ZBTB7C: variants seen among roughly 807,000 people sequenced by gnomAD.
ZBTB7C encodes zinc finger and BTB domain-containing protein 7C.
ZBTB7C carries 8 observed loss-of-function variants against 25.7 expected under a neutral mutation model. The observed-to-expected ratio is 0.31, with a 90% CI of 0.18 to 0.56. The LOEUF is 0.56. Ranked by LOEUF, ZBTB7C falls within the 20% of genes least tolerant of loss-of-function variation. The pLI, the probability that ZBTB7C is intolerant of heterozygous loss-of-function variation, is 0.91. For synonymous variants in ZBTB7C, 394 were observed against 369.0 expected (o/e 1.07, Z -0.78); for missense variants, 824 against 855.2 (o/e 0.96, Z 0.46).
chr18:48,212,038 A>C (rs1254285795), intron 2 of ZBTB7C, among the ~76,000 whole-genome samples: 2 of 152,172 alleles, frequency 1.3e-5, no homozygotes, highest in African/African-American at 4.8e-5. Context: ...TGGATGAAAC[A>C]TAAATGCATA....
intron 3 of ZBTB7C, among the ~76,000 whole-genome samples, chr18:48,090,764 C>T (rs2038382025): frequency 6.6e-6 from 1 of 151,112 alleles, no homozygotes. Flanking sequence ...CCAGACAGAC[C>T]CACCCCTTGC....
intron 3 of ZBTB7C, among the ~76,000 whole-genome samples, chr18:48,078,333 A>G (rs2037852868): frequency 6.6e-6 from 1 of 151,714 alleles, no homozygotes; most frequent in Admixed American, 6.6e-5. Flanking sequence ...CTTTGGTGGC[A>G]GCACAAAGGT....
At chr18:48,231,610 C>T (rs570598516) in intron 2 of ZBTB7C, among the ~76,000 whole-genome samples, 12 of 152,326 alleles carry the variant, frequency 7.9e-5, no homozygotes, top group East Asian at 3.9e-4. Context: ...CACTTGTCCA[C>T]GTACTTCATT....
intron 2 of ZBTB7C, among the ~76,000 whole-genome samples, chr18:48,286,174 T>C (rs895304278): frequency 3.3e-5 from 5 of 152,148 alleles, no homozygotes; most frequent in Non-Finnish European, 7.3e-5. Flanking sequence ...CCTCAAAATA[T>C]CATTTTATCA....
intron 2 of ZBTB7C, among the ~76,000 whole-genome samples, chr18:48,201,874 C>T (rs1314913964): frequency 6.6e-6 from 1 of 152,214 alleles, no homozygotes; most frequent in Non-Finnish European, 1.5e-5. Flanking sequence ...CTGCATAAAT[C>T]CAAGGCATAA....
intron 1 of ZBTB7C, among the ~76,000 whole-genome samples, chr18:48,368,786 C>T (rs2047315524): frequency 3.2e-5 from 1 of 31,098 alleles, no homozygotes; most frequent in Non-Finnish European, 6.1e-5. Flanking sequence ...GGAAGCAGCA[C>T]ATTTTTCAAG....
At chr18:48,071,779 T>C (rs1052828463) in intron 3 of ZBTB7C, among the ~76,000 whole-genome samples, 8 of 152,206 alleles carry the variant, frequency 5.3e-5, no homozygotes, top group Non-Finnish European at 8.8e-5. Flanking sequence ...AAATGTGATA[T>C]ATACACAAAA....
At chr18:48,182,605 C>A (rs2145111974) in intron 3 of ZBTB7C, among the ~76,000 whole-genome samples, 1 of 152,288 alleles carries the variant, frequency 6.6e-6, no homozygotes, top group East Asian at 1.9e-4. Flanking sequence ...GATGACCTAG[C>A]TCCTGTTTCA....
At chr18:48,107,365 G>A (rs926009939) in intron 3 of ZBTB7C, among the ~76,000 whole-genome samples, 1 of 151,626 alleles carries the variant, frequency 6.6e-6, no homozygotes. Flanking sequence ...GGTCCAGAAG[G>A]AGGAGGGGAG....
chr18:48,211,207 C>T (rs2042694392), intron 2 of ZBTB7C, among the ~76,000 whole-genome samples: 1 of 152,010 alleles, frequency 6.6e-6, no homozygotes, highest in African/African-American at 2.4e-5. Context: ...AATCATAGAC[C>T]TAAATGTAAA....
intron 2 of ZBTB7C, among the ~76,000 whole-genome samples, chr18:48,290,832 T>C (rs891721695): frequency 1.1e-4 from 16 of 152,100 alleles, no homozygotes; most frequent in African/African-American, 3.9e-4. Flanking sequence ...AGTCCAAGAG[T>C]GCCCTCCTCC....
intron 1 of ZBTB7C, among the ~76,000 whole-genome samples, chr18:48,360,202 C>T (rs1369607248): frequency 1.3e-5 from 2 of 152,194 alleles, no homozygotes; most frequent in Admixed American, 1.3e-4. Context: ...TGGACCAATT[C>T]AATTCAATTC....
chr18:48,212,888 C>A (rs904283515), intron 2 of ZBTB7C, among the ~76,000 whole-genome samples: 1 of 152,104 alleles, frequency 6.6e-6, no homozygotes, highest in African/African-American at 2.4e-5. Context: ...TCGAAGAATG[C>A]TGAAAACCCT....
chr18:48,367,324 GTATATATATA>G (rs2047262444), intron 1 of ZBTB7C, among the ~76,000 whole-genome samples: 5 of 113,550 alleles, frequency 4.4e-5, no homozygotes, highest in African/African-American at 1.0e-4. Context: ...ATATATGTGT[GTATATATATA>G]CATATATGTG....
At chr18:48,070,770 G>A (rs1421785758) in intron 3 of ZBTB7C, among the ~76,000 whole-genome samples, 3 of 152,134 alleles carry the variant, frequency 2.0e-5, no homozygotes, top group Non-Finnish European at 2.9e-5. Context: ...AGAGTCTATA[G>A]ATCCAGAGGC....
intron 1 of ZBTB7C, among the ~76,000 whole-genome samples, chr18:48,343,561 C>G (rs2046654606): frequency 6.6e-6 from 1 of 152,216 alleles, no homozygotes; most frequent in African/African-American, 2.4e-5. Flanking sequence ...GAAATGTGGG[C>G]TCTGGAATCA....
At position 48,040,944 on chromosome 18, in the gene ZBTB7C, C is replaced by T. The variant is rs1345419240; in HGVS notation, c.164G>A (p.Cys55Tyr). 6.2e-7 allele frequency: 1 copy of T among 1,614,170 alleles called. No individual in the cohort carries two copies. ...YRTHRSVLAA[C>Y]SKYFKKLFTA... The stretch of plus-strand genomic sequence containing the variant: ...GAAAAGCTTCTTGAAGTACTTGCTG[C>T]AGGCAGCCAGGACGGAGCGGTGGGT... Residue 55 changes from cysteine (C) to tyrosine (Y), a missense_variant, in exon 4 of 5, where the codon TGC (cysteine) becomes TAC (tyrosine). Cys to Tyr is a radical substitution (Grantham distance 194, BLOSUM62 -2). This residue lies in a region of ZBTB7C where 117 missense variants were observed against 167.7 expected (regional missense o/e 0.70). Transcript: ENST00000590800.
intron 1 of ZBTB7C, among the ~76,000 whole-genome samples, chr18:48,383,199 C>T (rs1354278538): frequency 6.6e-6 from 1 of 152,156 alleles, no homozygotes. Context: ...TAACCCCTTA[C>T]AGAATCCCCC....
Position 48,386,744 on chromosome 18 carries a change from AG to A in ZBTB7C, c.-304+22481del, listed in dbSNP as rs547672502. ...CAAAGATGCAGAGTTTTGCAACCTA[AG>A]ATAATTGAAAGGAAATTCTAGCCTT... On this transcript the variant is annotated intron_variant, in intron 1 of 4. Transcript: ENST00000590800. Among the ~76,000 whole-genome samples the A allele has an allele frequency of 3.5e-4, 53 of 152,328 alleles. 1 individual carries two copies. In the South Asian group the frequency reaches 0.011, roughly 32 times the overall value.
Sources: allele counts gnomAD v4.1 joint callset (sites outside exome capture counted in the v4.1 genomes callset), GRCh38; gene constraint gnomAD v4.1.1; regional missense constraint gnomAD v4.1.1; transcripts MANE v1.5; gene names NCBI Gene and HGNC (gene_info 2026-07-23, HGNC 2026-07-21).